Variants in PPP1R13B observed in about 807,000 individuals in gnomAD.
The protein encoded by PPP1R13B is apoptosis-stimulating of p53 protein 1.
PPP1R13B carries 44 observed loss-of-function variants against 119.8 expected under a neutral mutation model. The observed-to-expected ratio is 0.37, with a 90% CI of 0.29 to 0.47. The LOEUF is 0.47. Ranked by LOEUF, PPP1R13B falls within the 20% of genes least tolerant of loss-of-function variation. PPP1R13B has a pLI of 0.99. For synonymous variants in PPP1R13B, 542 were observed against 561.5 expected, an observed-to-expected ratio of 0.97 and a Z score of 0.49; for missense variants, 1,227 against 1,413.5, an observed-to-expected ratio of 0.87 and a Z score of 2.12.
chr14:103,771,025 C>T (rs58893021), intron 4 of PPP1R13B, among the ~76,000 whole-genome samples: 1,838 of 152,168 alleles, frequency 0.012, 35 homozygotes, highest in African/African-American at 0.041. Context: ...GTCCAGGATG[C>T]GAAGACCTAC....
Position 103,737,799 on chromosome 14 carries a change from T to C in PPP1R13B, c.2926A>G (p.Ser976Gly), listed in dbSNP as rs752169254. Reference sequence around the variant, plus strand: ...GTTGAGGCAAAAATGGCGGCACCACTCTCCACCAGCTGTTTGCAGAGGTGA... The same window carrying C: ...GTTGAGGCAAAAATGGCGGCACCACCCTCCACCAGCTGTTTGCAGAGGTGA... ...SVHLCKQLVESGAAIFASTIS... is the reference protein window; with the variant it reads ...SVHLCKQLVEGGAAIFASTIS... Residue 976 changes from serine to glycine, a missense_variant, in exon 15 of 17, where the codon AGT (serine) becomes GGT (glycine). Coordinates refer to ENST00000202556, the MANE Select transcript of PPP1R13B (RefSeq NM_015316.3). 2.5e-6 allele frequency: 4 copies of C among 1,614,196 alleles called. No individual in the cohort carries two copies. The highest frequency in any genetic ancestry group is 1.7e-6 in the Non-Finnish European group (2 of 1,180,034).
intron 1 of PPP1R13B, among the ~76,000 whole-genome samples, chr14:103,844,826 T>A (rs759656190): frequency 6.6e-6 from 1 of 152,202 alleles, no homozygotes; most frequent in Non-Finnish European, 1.5e-5. Context: ...TCCAATATGG[T>A]AGTCACTAAG....
intron 4 of PPP1R13B, among the ~76,000 whole-genome samples, chr14:103,777,502 G>A (rs2085234754): frequency 6.6e-6 from 1 of 152,124 alleles, no homozygotes; most frequent in East Asian, 1.9e-4. Flanking sequence ...TACAAGCTAA[G>A]CCCATAGCCC....
At chr14:103,777,349 A>C (rs892176927) in intron 4 of PPP1R13B, among the ~76,000 whole-genome samples, 5 of 152,144 alleles carry the variant, frequency 3.3e-5, no homozygotes, top group African/African-American at 1.2e-4. Context: ...TATGATAAGC[A>C]TTCCATCTAT....
In PPP1R13B at chr14:103,847,386, C is replaced by T; in HGVS notation, c.-79G>A. 2 of 1,072,178 alleles carry T rather than the reference C, an allele frequency of 1.9e-6. No homozygotes were observed. Among genetic ancestry groups the T allele is most frequent in the Non-Finnish European group, 2.3e-6 (2 of 885,700 alleles). The allele number at this position is 1,072,178 out of a possible 1,614,324, so 66.4% of individuals were successfully genotyped here. A position where few individuals can be genotyped will look rare whatever the true frequency, so the allele number is the denominator to read the frequency against. On this transcript the variant is annotated 5_prime_UTR_variant, in exon 1 of 17. Transcript: ENST00000202556. ...CGAGCTGTGCCCACCGCTCCGGCCGCCTCCTAAGGCCGCGCTCCCGCCGCC... is the reference window on the plus strand; with the variant it reads ...CGAGCTGTGCCCACCGCTCCGGCCGTCTCCTAAGGCCGCGCTCCCGCCGCC...
chr14:103,794,328 G>GTT (rs60972985), intron 2 of PPP1R13B, among the ~76,000 whole-genome samples: 12 of 140,680 alleles, frequency 8.5e-5, no homozygotes, highest in Non-Finnish European at 1.4e-4. Flanking sequence ...TTTGTTTTTT[G>GTT]TTTTTTTTTT....
chr14:103,767,017 T>C (rs2151999339), intron 4 of PPP1R13B, among the ~76,000 whole-genome samples: 1 of 152,324 alleles, frequency 6.6e-6, no homozygotes, highest in South Asian at 2.1e-4. Flanking sequence ...CTCTTTATTT[T>C]TGGAAGATTA....
intron 1 of PPP1R13B, among the ~76,000 whole-genome samples, chr14:103,829,788 AT>A (rs1315751567): frequency 1.0e-4 from 15 of 149,402 alleles, no homozygotes; most frequent in Admixed American, 2.0e-4. Context: ...ATATTTTACT[AT>A]TTTTTTTTTA....
In PPP1R13B at chr14:103,742,187, C is replaced by T. The variant is rs541818480; in HGVS notation, c.1425G>A (p.Ser475=). Reference sequence around the variant, plus strand: ...CCTTCCTCCTTTCCAGGGAGCTTGTCGACCCAGGACCCAGAGGTGTAGGAC... The same window carrying T: ...CCTTCCTCCTTTCCAGGGAGCTTGTTGACCCAGGACCCAGAGGTGTAGGAC... ...YPSPTPLGPG[S]TSSLERRKEG... The change falls in exon 11 of 17, where the codon TCG becomes TCA. Residue 475 remains serine, a synonymous_variant. Coordinates refer to ENST00000202556, the MANE Select transcript of PPP1R13B (RefSeq NM_015316.3). The surrounding 1 kb of genome is among the most constrained non-coding windows in gnomAD (Gnocchi z 4.9). The T allele has an allele frequency of 1.0e-5, 16 of 1,605,868 alleles. No individual in the cohort carries two copies. The Admixed American group carries it at 1.5e-4, about 15-fold the overall frequency.
At chr14:103,771,168 G>A (rs2085059993) in intron 4 of PPP1R13B, among the ~76,000 whole-genome samples, 1 of 152,144 alleles carries the variant, frequency 6.6e-6, no homozygotes, top group Non-Finnish European at 1.5e-5. Flanking sequence ...CAGCTCTCAT[G>A]AAAGCGTCAT....
intron 4 of PPP1R13B, 59 bp downstream of exon 4, chr14:103,778,686 G>GTT: frequency 1.4e-6 from 2 of 1,400,960 alleles, no homozygotes; most frequent in Non-Finnish European, 2.0e-6. Context: ...GATTACAGGT[G>GTT]TAACCCACTG....
chr14:103,746,164 C>G (rs148075512), intron 9 of PPP1R13B, among the ~76,000 whole-genome samples: 1 of 152,336 alleles, frequency 6.6e-6, no homozygotes, highest in East Asian at 1.9e-4. Flanking sequence ...GTAGAGACCT[C>G]TAGTTCAGTA....
At chr14:103,761,082 T>G (rs1259618811) in intron 4 of PPP1R13B, among the ~76,000 whole-genome samples, 1 of 152,068 alleles carries the variant, frequency 6.6e-6, no homozygotes, top group African/African-American at 2.4e-5. Context: ...CAGACCAGCC[T>G]GGACAACACG....
intron 1 of PPP1R13B, among the ~76,000 whole-genome samples, chr14:103,838,210 GCACA>G (rs10640450): frequency 0.058 from 8,680 of 149,286 alleles, 270 homozygotes; most frequent in Middle Eastern, 0.12. Context: ...CTCTGTTATG[GCACA>G]CACACACACA....
chr14:103,753,988 T>A (rs1011862218), intron 6 of PPP1R13B, 82 bp downstream of exon 6: 1 of 1,486,232 alleles, frequency 6.7e-7, no homozygotes, highest in Non-Finnish European at 9.1e-7. Context: ...AATTTGTGAC[T>A]GAATTGTCAG....
chr14:103,790,730 G>A (rs573902309), intron 2 of PPP1R13B, among the ~76,000 whole-genome samples: 21 of 152,054 alleles, frequency 1.4e-4, no homozygotes, highest in Admixed American at 7.9e-4. Flanking sequence ...CAGGCTGAGC[G>A]TGGGTGGCTC....
At position 103,742,037 on chromosome 14, in the gene PPP1R13B, C is replaced by A; in HGVS notation, c.1575G>T (p.Pro525=). ...SQQIQQRISV[P]PSPTYPPAGP... ...CCGCTGGCGGGTACGTGGGACTTGG[C>A]GGTACGGAAATCCTCTGCTGAATCT... Residue 525 remains proline, a synonymous_variant, in exon 11 of 17, where the codon CCG becomes CCT. Coordinates refer to ENST00000202556, the MANE Select transcript of PPP1R13B (RefSeq NM_015316.3). The surrounding 1 kb of genome is among the most constrained non-coding windows in gnomAD (Gnocchi z 4.9). 6.2e-7 allele frequency: 1 copy of A among 1,614,208 alleles called. No homozygotes were observed. The highest frequency in any genetic ancestry group is 8.5e-7 in the Non-Finnish European group (1 of 1,180,036).
intron 4 of PPP1R13B, among the ~76,000 whole-genome samples, chr14:103,772,820 C>T (rs574988274): frequency 1.3e-5 from 2 of 152,176 alleles, no homozygotes; most frequent in African/African-American, 4.8e-5. Context: ...GCGTGCACAA[C>T]CATGCTGGGC....
chr14:103,765,678 G>A (rs2084921022), intron 4 of PPP1R13B, among the ~76,000 whole-genome samples: 1 of 152,122 alleles, frequency 6.6e-6, no homozygotes, highest in Non-Finnish European at 1.5e-5. Context: ...TGCCCACAGT[G>A]CCCTTCCCCC....
Sources: gnomAD v4.1 joint callset for allele counts (sites outside exome capture counted in the v4.1 genomes callset) on GRCh38, gnomAD v4.1.1 for gene constraint, Gnocchi (gnomAD v3.1) non-coding constraint, MANE v1.5 for transcripts, NCBI Gene and HGNC (gene_info 2026-07-23, HGNC 2026-07-21) for gene names.